The following ZPR1 variants were observed in gnomAD, a reference collection of about 807,000 sequenced individuals.
ZPR1 encodes ZPR1 zinc finger, also known as zinc finger protein ZPR1.
ZPR1 carries 37 observed loss-of-function variants against 59.6 expected under a neutral mutation model. That is an observed-to-expected ratio of 0.62 (90% CI 0.48 to 0.82). ZPR1 has a LOEUF of 0.82. Ranked by LOEUF, ZPR1 falls within the 40% of genes least tolerant of loss-of-function variation. The pLI, the probability that ZPR1 is intolerant of heterozygous loss-of-function variation, is 0.00. For missense variants in ZPR1, 527 were observed against 579.9 expected, an observed-to-expected ratio of 0.91 and a Z score of 0.94; for synonymous variants, 191 against 215.2, an observed-to-expected ratio of 0.89 and a Z score of 0.99.
At chr11:116,782,890 G>A (rs781588955) in intron 11 of ZPR1, 29 bp downstream of exon 11, 1 of 1,575,426 alleles carries the variant, frequency 6.3e-7, no homozygotes, top group African/African-American at 1.3e-5. Context: ...TTGCTCAAAG[G>A]TGGTTTACAC....
chr11:116,779,224 C>A lies in ZPR1; in HGVS notation c.1246-165G>T, dbSNP rs535537560. On this transcript the variant is annotated intron_variant, in intron 13 of 13. Coordinates refer to ENST00000227322, the MANE Select transcript of ZPR1 (RefSeq NM_003904.5). ...ACTGAACTAGTGGGTAGCAACAGAG[C>A]CCACATGGGCCAGGGGTAGAAGACC... Among the ~76,000 whole-genome samples the A allele has an allele frequency of 2.0e-5, 3 of 152,272 alleles. No individual in the cohort carries two copies. The East Asian group carries it at 5.8e-4, about 29-fold the overall frequency.
chr11:116,781,669 G>A (rs1940806931), intron 12 of ZPR1, among the ~76,000 whole-genome samples: 1 of 152,176 alleles, frequency 6.6e-6, no homozygotes, highest in Non-Finnish European at 1.5e-5. Flanking sequence ...TGGAGAAGAT[G>A]CTCTAACAAA....
chr11:116,782,853 C>T, intron 11 of ZPR1, 66 bp downstream of exon 11: 1 of 1,293,726 alleles, frequency 7.7e-7, no homozygotes, highest in South Asian at 1.2e-5. Context: ...TGTCTGAAGT[C>T]TTCCAGTCCC....
chr11:116,783,556 A>C lies in ZPR1; in HGVS notation c.955T>G (p.Ser319Ala), dbSNP rs768510875. 7 of 1,614,122 alleles carry C rather than the reference A, an allele frequency of 4.3e-6. No individual in the cohort carries two copies. The Admixed American group carries it at 1.0e-4, about 23-fold the overall frequency. Residue 319 changes from serine (S) to alanine (A), a missense_variant, in exon 10 of 14, where the codon TCA (serine) becomes GCA (alanine). By Grantham distance (99) the Ser-to-Ala change is moderately conservative. Transcript: ENST00000227322. The stretch of plus-strand genomic sequence containing the variant: ...TTGAGGAGGTCTCTGGTCATATCTG[A>C]GGCATCTGTGATGTGGAGGGTGATC... ...TRITLHITDA[S>A]DMTRDLLKSE...
At chr11:116,783,215 C>G (rs1421468792) in intron 10 of ZPR1, among the ~76,000 whole-genome samples, 186 bp from the exon 11 acceptor site, 1 of 152,140 alleles carries the variant, frequency 6.6e-6, no homozygotes, top group Non-Finnish European at 1.5e-5. Context: ...ATAGATCCAA[C>G]TTAATAAAGG....
Position 116,778,947 on chromosome 11 carries a change from GCCT to G in ZPR1, c.1355_1357del (p.Glu452del). 1.2e-6 allele frequency: 2 copies of G among 1,614,054 alleles called. No individual in the cohort carries two copies. The highest frequency in any genetic ancestry group is 1.7e-6 in the Non-Finnish European group (2 of 1,180,040). On this transcript the variant is annotated inframe_deletion, in exon 14 of 14. Transcript: ENST00000227322. ...CTGCTACCGTTGCGGAGCCAGGCCT[GCCT>G]CATAGCCCTCTGTCTTCATGTCATT...
rs149166618 is a variant in ZPR1 at position 116,782,927 on chromosome 11, G to A, written c.1084C>T (p.Arg362Trp). 179 of 1,613,842 alleles carry A rather than the reference G, an allele frequency of 1.1e-4. No homozygotes were observed. The highest frequency in any genetic ancestry group is 1.3e-4 in the Non-Finnish European group (154 of 1,179,842). ...TTLEGLLKDI[R>W]ELVTKNPFTL... is the part of the protein sequence containing the mutation. ...CTACTCAAGTGACTCACCAGTTCCC[G>A]GATGTCTTTCAGCAGCCCTTCCAGT... The change falls in exon 11 of 14, where the codon CGG becomes TGG. Residue 362 changes from arginine to tryptophan, a missense_variant. Coordinates refer to ENST00000227322, the MANE Select transcript of ZPR1 (RefSeq NM_003904.5).
In ZPR1 at chr11:116,787,629, G is replaced by C; in HGVS notation, c.186C>G (p.Leu62=). The C allele has an allele frequency of 3.7e-6, 6 of 1,611,798 alleles. No homozygotes were observed. Among genetic ancestry groups the C allele is most frequent in the Non-Finnish European group, 5.1e-6 (6 of 1,178,016 alleles). ...TGAAGAAGGGAATCTTGGTGAGCAG[G>C]AGGCGCGTCATGCCCTGGTGAAGTA... The part of the protein sequence containing the change: ...MNCYCNGMTR[L]LLTKIPFFRE... The change falls in exon 2 of 14, where the codon CTC becomes CTG. Residue 62 remains leucine (L), a synonymous_variant. Coordinates refer to ENST00000227322, the MANE Select transcript of ZPR1 (RefSeq NM_003904.5).
chr11:116,786,528 C>A lies in ZPR1; in HGVS notation c.478G>T (p.Asp160Tyr). The change falls in exon 4 of 14, where the codon GAC becomes TAC. Residue 160 changes from aspartate to tyrosine, a missense_variant. Coordinates refer to ENST00000227322, the MANE Select transcript of ZPR1 (RefSeq NM_003904.5). ...ITRAISGLEQDQPARRANKDA... is the reference protein window; with the variant it reads ...ITRAISGLEQYQPARRANKDA... ...CAGCTTACCCTTCGTGCAGGCTGGTCCTGCTCCAGGCCAGAGATAGCACGG... is the reference window on the plus strand; with the variant it reads ...CAGCTTACCCTTCGTGCAGGCTGGTACTGCTCCAGGCCAGAGATAGCACGG... 1.2e-6 allele frequency: 2 copies of A among 1,614,208 alleles called. No homozygotes were observed. The highest frequency in any genetic ancestry group is 1.7e-6 in the Non-Finnish European group (2 of 1,180,026).
At chr11:116,782,840 G>C (rs1331249419) in intron 11 of ZPR1, 79 bp downstream of exon 11, 3 of 1,134,690 alleles carry the variant, frequency 2.6e-6, no homozygotes, top group Non-Finnish European at 4.0e-6. Flanking sequence ...CCGAAAATTA[G>C]GATGTCTGAA....
intron 13 of ZPR1, among the ~76,000 whole-genome samples, chr11:116,779,381 A>AAATG (rs1342230296): frequency 2.0e-5 from 3 of 152,202 alleles, no homozygotes; most frequent in Non-Finnish European, 2.9e-5. Flanking sequence ...AGTATCCAAT[A>AAATG]AATGGTAAAG....
chr11:116,785,377 T>A (rs1391280290), intron 6 of ZPR1, 137 bp downstream of exon 6: 1 of 1,342,826 alleles, frequency 7.4e-7, no homozygotes, highest in African/African-American at 1.5e-5. Flanking sequence ...GTCCTGGACA[T>A]AAGCAAGATG....
Position 116,782,152 on chromosome 11 carries a change from T to C in ZPR1, c.1179+6A>G, listed in dbSNP as rs1940816419. 1 of 1,613,274 alleles carries C rather than the reference T, an allele frequency of 6.2e-7. No individual in the cohort carries two copies. The highest frequency in any genetic ancestry group is 1.3e-5 in the African/African-American group (1 of 74,914). On this transcript the variant is annotated splice_donor_region_variant and intron_variant, in intron 12 of 13. Transcript: ENST00000227322. ...TCTAAGTACTGACTGGCCAGTGACC[T>C]CTTACCTGGTCCATCTTCTGGCTAA...
At chr11:116,784,232 C>T (rs1029891300) in intron 9 of ZPR1, 146 bp downstream of exon 9, 2 of 720,088 alleles carry the variant, frequency 2.8e-6, no homozygotes, top group South Asian at 1.7e-5. Flanking sequence ...CCTTCAAGGG[C>T]TCATCACCCT....
At chr11:116,780,202 G>A (rs932337822) in intron 12 of ZPR1, among the ~76,000 whole-genome samples, 1 of 151,094 alleles carries the variant, frequency 6.6e-6, no homozygotes, top group African/African-American at 2.4e-5. Flanking sequence ...TCTGAAAGTA[G>A]AGGGGAAAGG....
chr11:116,785,264 C>G, intron 6 of ZPR1, 118 bp from the exon 7 acceptor site: 3 of 1,226,338 alleles, frequency 2.4e-6, no homozygotes. Flanking sequence ...CAGGTGCCAC[C>G]TCATCAGTTA....
chr11:116,784,162 T>C (rs897320653), intron 9 of ZPR1, among the ~76,000 whole-genome samples: 3 of 152,148 alleles, frequency 2.0e-5, no homozygotes, highest in African/African-American at 7.2e-5. Context: ...CATCAACCTT[T>C]AATATGTCTT....
At position 116,776,120 on chromosome 11, in the gene ZPR1, A is replaced by G. The variant is rs575658397; in HGVS notation, c.*2805T>C. On this transcript the variant is annotated 3_prime_UTR_variant, in exon 14 of 14. Coordinates refer to ENST00000227322, the MANE Select transcript of ZPR1 (RefSeq NM_003904.5). The stretch of plus-strand genomic sequence containing the variant: ...TCCACTCATCATGACACAGATGTAC[A>G]TTCAGTACCTACCTGTATGTTCGTC... 6.6e-6 allele frequency: 1 copy of G among 152,274 alleles called. No homozygotes were observed. Among genetic ancestry groups the G allele is most frequent in the Non-Finnish European group, 1.5e-5 (1 of 68,052 alleles). 9.4% of individuals were successfully genotyped at this position (152,274 alleles called of 1,614,324 possible).
At chr11:116,779,918 A>ATAGCAT in intron 12 of ZPR1, 81 bp from the exon 13 acceptor site, 1 of 420,718 alleles carries the variant, frequency 2.4e-6, no homozygotes, top group Non-Finnish European at 4.6e-6. Flanking sequence ...GGGGGGAGGG[A>ATAGCAT]TAGCATTAGG....
Sources: allele counts gnomAD v4.1 joint callset (sites outside exome capture counted in the v4.1 genomes callset), GRCh38; gene constraint gnomAD v4.1.1; transcripts MANE v1.5; gene names NCBI Gene and HGNC (gene_info 2026-07-23, HGNC 2026-07-21).